SLC35B4: variants seen among roughly 807,000 people sequenced by gnomAD.
SLC35B4 encodes the protein nucleotide sugar transporter SLC35B4.
Under a neutral mutation model 39.5 loss-of-function variants are expected in SLC35B4, and 28 were observed. That is an observed-to-expected ratio of 0.71 (90% CI 0.53 to 0.97). The LOEUF is 0.97. SLC35B4 is among the 50% of genes least tolerant of loss of function. The probability of loss-of-function intolerance (pLI) is 0.00; values close to 1 mark genes in which losing one functional copy is unlikely to be tolerated. For missense variants in SLC35B4, 334 were observed against 414.3 expected (o/e 0.81, Z 1.68); for synonymous variants, 145 against 150.4 (o/e 0.96, Z 0.26).
rs143772947 is a variant in SLC35B4 at position 134,292,781 on chromosome 7, G to T, written c.*2052C>A. On this transcript the variant is annotated 3_prime_UTR_variant, in exon 10 of 10. Coordinates refer to ENST00000378509, the MANE Select transcript of SLC35B4 (RefSeq NM_032826.5). ...TCTGAGGAACTCTACATATTTCAAA[G>T]CAAGTGGCTTTTGATCCTATGAATA... 6.4e-4 allele frequency: 97 copies of T among 152,288 alleles called. 3 individuals carry two copies. In the East Asian group the frequency reaches 0.018, roughly 28 times the overall value. The allele number at this position is 152,288 out of a possible 1,614,324, so 9.4% of individuals were successfully genotyped here.
chr7:134,301,899 G>A, intron 5 of SLC35B4, 78 bp from the exon 6 acceptor site: 2 of 1,509,932 alleles, frequency 1.3e-6, no homozygotes, highest in Middle Eastern at 1.7e-4. Context: ...AAACATTTAT[G>A]TTACCCATTT....
At chr7:134,313,351 T>C (rs1333739356) in intron 1 of SLC35B4, among the ~76,000 whole-genome samples, 1 of 152,248 alleles carries the variant, frequency 6.6e-6, no homozygotes, top group Admixed American at 6.5e-5. Context: ...TTTGCATTTC[T>C]TTTGCTGAAT....
In SLC35B4 at chr7:134,302,023, T is replaced by G. The variant is rs1273602840; in HGVS notation, c.426+6A>C. ...GTGAACATAAAATAATTTGTGAGCT[T>G]CTTACCACCTGCTTTGCTGACATAA... is the stretch of plus-strand genomic sequence containing the variant. On this transcript the variant is annotated splice_donor_region_variant and intron_variant, in intron 5 of 9. Coordinates refer to ENST00000378509, the MANE Select transcript of SLC35B4 (RefSeq NM_032826.5). 1.9e-6 allele frequency: 3 copies of G among 1,613,002 alleles called. No individual in the cohort carries two copies. The highest frequency in any genetic ancestry group is 2.5e-6 in the Non-Finnish European group (3 of 1,179,682).
chr7:134,302,787 G>A (rs536035366), intron 4 of SLC35B4, among the ~76,000 whole-genome samples: 19 of 152,224 alleles, frequency 1.2e-4, no homozygotes, highest in Non-Finnish European at 2.5e-4. Context: ...AAGAAATTAA[G>A]AAGATGAACC....
intron 1 of SLC35B4, among the ~76,000 whole-genome samples, chr7:134,312,104 CCA>C (rs1372872405): frequency 3.3e-5 from 5 of 152,180 alleles, no homozygotes; most frequent in Admixed American, 3.3e-4. Flanking sequence ...ACAGCGCCTG[CCA>C]CAGAGTGAAA....
chr7:134,318,046 T>C (rs1472726242), upstream of SLC35B4, among the ~76,000 whole-genome samples: 1 of 152,240 alleles, frequency 6.6e-6, no homozygotes, highest in Non-Finnish European at 1.5e-5. Context: ...TGCTATTTCC[T>C]GTGAGACACG....
intron 1 of SLC35B4, among the ~76,000 whole-genome samples, chr7:134,312,478 G>A (rs1235791804): frequency 6.6e-6 from 1 of 152,028 alleles, no homozygotes; most frequent in African/African-American, 2.4e-5. Context: ...GAAGGAGGAC[G>A]TCAGAAGCCA....
rs892195151 is a variant in SLC35B4 at position 134,316,757 on chromosome 7, G to A, written c.-6C>T. On this transcript the variant is annotated 5_prime_UTR_variant, in exon 1 of 10. Transcript: ENST00000378509. Reference sequence around the variant, plus strand: ...ACCGCCAAGGCCGGGCGCATGGCCGGTGCAGGGTTGGGGAAGCAAGCGCAC... The same window carrying A: ...ACCGCCAAGGCCGGGCGCATGGCCGATGCAGGGTTGGGGAAGCAAGCGCAC... 7.1e-6 allele frequency: 11 copies of A among 1,547,222 alleles called. No individual in the cohort carries two copies. The African/African-American group carries it at 1.1e-4, about 15-fold the overall frequency.
chr7:134,294,602 G>A lies in SLC35B4; in HGVS notation c.*231C>T. On this transcript the variant is annotated 3_prime_UTR_variant, in exon 10 of 10. Transcript: ENST00000378509. ...AAACAAAACAGAAATAAATGAATGG[G>A]CTGTTCAATAGTCCAGAACTGTTCT... is the stretch of plus-strand genomic sequence containing the variant. 1 of 462,264 alleles carries A rather than the reference G, an allele frequency of 2.2e-6. No individual in the cohort carries two copies. Among genetic ancestry groups the A allele is most frequent in the South Asian group, 3.5e-5 (1 of 28,920 alleles). The allele number at this position is 462,264 out of a possible 1,614,324, so 28.6% of individuals were successfully genotyped here. A position where few individuals can be genotyped will look rare whatever the true frequency, so the allele number is the denominator to read the frequency against.
chr7:134,311,594 G>A (rs1228596289), intron 1 of SLC35B4, among the ~76,000 whole-genome samples: 1 of 152,208 alleles, frequency 6.6e-6, no homozygotes, highest in Non-Finnish European at 1.5e-5. Context: ...GGTGGAGGTT[G>A]CAGTGAGCCG....
At chr7:134,295,321 C>T (rs1803438712) in intron 9 of SLC35B4, 1 of 454,284 alleles carries the variant, frequency 2.2e-6, no homozygotes, top group Admixed American at 3.4e-5. Context: ...TTGGAGTCTT[C>T]CTATGGTTAC....
intron 9 of SLC35B4, 94 bp from the exon 10 acceptor site, chr7:134,295,173 A>G (rs1159163394): frequency 6.7e-7 from 1 of 1,496,252 alleles, no homozygotes; most frequent in East Asian, 2.3e-5. Flanking sequence ...AACTTCTCAT[A>G]TTCTAAGAAA....
At position 134,304,863 on chromosome 7, in the gene SLC35B4, G is replaced by A; in HGVS notation, c.295-9C>T. ...TTGGCAATTAGAGAACCCTGCAAAA[G>A]GAGACAACAGTAACAGAGAGGTTTA... is the stretch of plus-strand genomic sequence containing the variant. On this transcript the variant is annotated splice_polypyrimidine_tract_variant and intron_variant, in intron 3 of 9. Coordinates refer to ENST00000378509, the MANE Select transcript of SLC35B4 (RefSeq NM_032826.5). The A allele has an allele frequency of 6.2e-7, 1 of 1,611,212 alleles. No homozygotes were observed. The highest frequency in any genetic ancestry group is 8.5e-7 in the Non-Finnish European group (1 of 1,177,616).
Position 134,316,870 on chromosome 7 carries a change from G to A in SLC35B4, c.-119C>T, listed in dbSNP as rs1585650394. 4 of 998,592 alleles carry A rather than the reference G, an allele frequency of 4.0e-6. No homozygotes were observed. Among genetic ancestry groups the A allele is most frequent in the East Asian group, 5.4e-5 (2 of 36,916 alleles). The allele number at this position is 998,592 out of a possible 1,614,324, so 61.9% of individuals were successfully genotyped here. ...GCACATCGCACCGTCCTGGAAAGCC[G>A]CTCTCACTGGGGGCCGCCGCGGTCT... On this transcript the variant is annotated 5_prime_UTR_variant, in exon 1 of 10. Coordinates refer to ENST00000378509, the MANE Select transcript of SLC35B4 (RefSeq NM_032826.5).
chr7:134,315,576 T>C (rs1415419665), intron 1 of SLC35B4, among the ~76,000 whole-genome samples: 2 of 150,708 alleles, frequency 1.3e-5, no homozygotes, highest in Non-Finnish European at 3.0e-5. Context: ...CACAAATGAG[T>C]TTGTGTTTAG....
chr7:134,313,630 G>A (rs1803900570), intron 1 of SLC35B4, among the ~76,000 whole-genome samples: 1 of 152,190 alleles, frequency 6.6e-6, no homozygotes, highest in African/African-American at 2.4e-5. Context: ...AGAAAGAAAA[G>A]CCTGAGTTTG....
In SLC35B4 at chr7:134,314,867, A is replaced by C. The variant is rs1803934078; in HGVS notation, c.77+1808T>G. 2.0e-5 allele frequency among the ~76,000 whole-genome samples: 3 copies of C among 151,974 alleles called. 1 individual carries two copies. In the South Asian group the frequency reaches 6.2e-4, roughly 31 times the overall value. On this transcript the variant is annotated intron_variant, in intron 1 of 9. Coordinates refer to ENST00000378509, the MANE Select transcript of SLC35B4 (RefSeq NM_032826.5). ...TATATTTTCAAATCAATTGTTGCCA[A>C]AGTGGCCTTCCTTTAAAAGTGTATC...
intron 2 of SLC35B4, 128 bp downstream of exon 2, chr7:134,309,238 C>T: frequency 1.7e-6 from 1 of 580,236 alleles, no homozygotes. Context: ...CAGAAAATGA[C>T]TTATTATTCT....
At chr7:134,307,000 T>C (rs1803725220) in intron 2 of SLC35B4, among the ~76,000 whole-genome samples, 1 of 152,150 alleles carries the variant, frequency 6.6e-6, no homozygotes, top group Non-Finnish European at 1.5e-5. Flanking sequence ...AAAGAAACAC[T>C]ATTTAAAAAT....
Sources: allele counts gnomAD v4.1 joint callset (sites outside exome capture counted in the v4.1 genomes callset), GRCh38; gene constraint gnomAD v4.1.1; transcripts MANE v1.5; gene names NCBI Gene and HGNC (gene_info 2026-07-23, HGNC 2026-07-21).